CD200R1: variants seen among roughly 807,000 people sequenced by gnomAD.
CD200R1 encodes CD200 receptor 1.
Under a neutral mutation model 38.1 loss-of-function variants are expected in CD200R1, and 30 were observed. The ratio of observed to expected loss-of-function variants is 0.79; its 90% CI spans 0.59 to 1.07. The LOEUF is 1.07. CD200R1 is among the 50% of genes least tolerant of loss of function. The pLI is 0.00. For missense variants in CD200R1, 372 were observed against 415.4 expected (o/e 0.90, Z 0.91); for synonymous variants, 128 against 152.1 (o/e 0.84, Z 1.16).
At chr3:112,937,429 AC>A (rs1940610600) in intron 2 of CD200R1, among the ~76,000 whole-genome samples, 1 of 149,064 alleles carries the variant, frequency 6.7e-6, no homozygotes, top group Admixed American at 6.7e-5. Context: ...CTGTCCCAGC[AC>A]CATTTATTAA....
At chr3:112,972,152 C>T (rs1933325648) in intron 1 of CD200R1, among the ~76,000 whole-genome samples, 1 of 152,136 alleles carries the variant, frequency 6.6e-6, no homozygotes, top group African/African-American at 2.4e-5. Flanking sequence ...TAAGCATGAA[C>T]ATTTAGAGAA....
At chr3:112,931,485 G>A (rs954286660) in intron 2 of CD200R1, among the ~76,000 whole-genome samples, 3 of 152,114 alleles carry the variant, frequency 2.0e-5, no homozygotes, top group Admixed American at 6.6e-5. Flanking sequence ...ATTGGTCTAC[G>A]TGAGCATCTC....
rs191501792 is a variant in CD200R1 at position 112,974,430 on chromosome 3, T to C, written c.67+361A>G. On this transcript the variant is annotated intron_variant, in intron 1 of 7. Transcript: ENST00000308611. ...CAGCCTGGGCAACAGAGCAAGACCC[T>C]GTCTCAAAAAAGGGGGTTGGGGAAG... is the stretch of plus-strand genomic sequence containing the variant. 9.9e-5 allele frequency among the ~76,000 whole-genome samples: 15 copies of C among 152,206 alleles called. 1 individual carries two copies. Among genetic ancestry groups the C allele is most frequent in the East Asian group, 9.7e-4 (5 of 5,164 alleles).
intron 5 of CD200R1, among the ~76,000 whole-genome samples, chr3:112,927,457 C>T (rs1022597370): frequency 2.0e-5 from 3 of 152,148 alleles, no homozygotes; most frequent in African/African-American, 7.2e-5. Context: ...CAAATCCAAC[C>T]ATTAACTAGT....
chr3:112,959,959 T>C (rs1351161412), intron 1 of CD200R1, among the ~76,000 whole-genome samples: 1 of 152,100 alleles, frequency 6.6e-6, no homozygotes. Context: ...GTACTATCTT[T>C]CTTACTTTAA....
chr3:112,971,981 C>A (rs1933320893), intron 1 of CD200R1, among the ~76,000 whole-genome samples: 1 of 152,126 alleles, frequency 6.6e-6, no homozygotes, highest in African/African-American at 2.4e-5. Flanking sequence ...TAGATTTGTA[C>A]TAGTTTCATA....
chr3:112,927,060 T>C (rs113101636), intron 5 of CD200R1, among the ~76,000 whole-genome samples: 1,600 of 152,156 alleles, frequency 0.011, 22 homozygotes, highest in South Asian at 0.031. Context: ...TGTCTCCTGC[T>C]CCATTTTATG....
chr3:112,930,517 G>C (rs913190350), intron 3 of CD200R1, among the ~76,000 whole-genome samples: 3 of 152,194 alleles, frequency 2.0e-5, no homozygotes, highest in Non-Finnish European at 4.4e-5. Flanking sequence ...TTCCAACGTA[G>C]AACCTCATGC....
chr3:112,942,416 G>A (rs1453678899), intron 2 of CD200R1, among the ~76,000 whole-genome samples: 2 of 151,572 alleles, frequency 1.3e-5, no homozygotes, highest in African/African-American at 4.8e-5. Context: ...CATTATAAAT[G>A]TATATTGCAA....
intron 1 of CD200R1, among the ~76,000 whole-genome samples, chr3:112,974,001 C>A (rs151176175): frequency 6.6e-6 from 1 of 152,092 alleles, no homozygotes; most frequent in East Asian, 1.9e-4. Context: ...ACATCACAGA[C>A]GCACCACTGT....
chr3:112,962,526 A>G (rs1168580856), intron 1 of CD200R1, among the ~76,000 whole-genome samples: 2 of 152,280 alleles, frequency 1.3e-5, no homozygotes, highest in East Asian at 3.9e-4. Context: ...ACCACAAAAT[A>G]TCATTAAATT....
intron 5 of CD200R1, 56 bp from the exon 6 acceptor site, chr3:112,925,249 C>G (rs1246755172): frequency 3.7e-6 from 3 of 813,376 alleles, no homozygotes; most frequent in African/African-American, 1.8e-5. Context: ...AATGTACTAT[C>G]TTATTATTCA....
chr3:112,940,831 TAAAG>T (rs1222754611), intron 2 of CD200R1, among the ~76,000 whole-genome samples: 1 of 151,612 alleles, frequency 6.6e-6, no homozygotes, highest in Non-Finnish European at 1.5e-5. Flanking sequence ...ATAAATATGT[TAAAG>T]AAATATCTAT....
intron 2 of CD200R1, among the ~76,000 whole-genome samples, chr3:112,947,621 G>C (rs1285404001): frequency 2.6e-5 from 4 of 152,102 alleles, no homozygotes; most frequent in Non-Finnish European, 4.4e-5. Flanking sequence ...TTCAAAAGTT[G>C]AATAACAAAT....
At chr3:112,947,177 C>G (rs1940883605) in intron 2 of CD200R1, among the ~76,000 whole-genome samples, 1 of 152,116 alleles carries the variant, frequency 6.6e-6, no homozygotes, top group South Asian at 2.1e-4. Flanking sequence ...AGTGAAATTA[C>G]TCTATAAAAT....
intron 1 of CD200R1, among the ~76,000 whole-genome samples, chr3:112,951,901 A>G (rs1940976435): frequency 6.6e-6 from 1 of 151,804 alleles, no homozygotes; most frequent in South Asian, 2.1e-4. Flanking sequence ...GAAAGTCCCA[A>G]TATTATTAAG....
At position 112,929,172 on chromosome 3, in the gene CD200R1, A is replaced by G. The variant is rs766108513; in HGVS notation, c.520+18T>C. The G allele has an allele frequency of 5.6e-6, 9 of 1,613,996 alleles. No homozygotes were observed. The East Asian group carries it at 2.0e-4, about 36-fold the overall frequency. Reference sequence around the variant, plus strand: ...AAATCTGGTGATGTGAAATACCTCAATATATGATGCTCCTTACCTAACACT... The same window carrying G: ...AAATCTGGTGATGTGAAATACCTCAGTATATGATGCTCCTTACCTAACACT... On this transcript the variant is annotated intron_variant, in intron 4 of 7. Transcript: ENST00000308611.
At position 112,931,119 on chromosome 3, in the gene CD200R1, T is replaced by C; in HGVS notation, c.189A>G (p.Lys63=). ...DEKQITQNYS[K]VLAEVNTSWP... is the part of the protein sequence containing the mutation. ...GAAGCATATTACCTTCTGCGAGTAC[T>C]TTCGAGTAGTTCTGTGTAATCTGTT... Residue 63 remains lysine (K), a synonymous_variant, in exon 3 of 8, where the codon AAA becomes AAG. Coordinates refer to ENST00000308611, the MANE Select transcript of CD200R1 (RefSeq NM_138806.4). 1.2e-6 allele frequency: 2 copies of C among 1,610,430 alleles called. No homozygotes were observed. Among genetic ancestry groups the C allele is most frequent in the Non-Finnish European group, 1.7e-6 (2 of 1,176,634 alleles).
rs746271944 is a variant in CD200R1, at chr3:112,929,014, T to C, written c.571A>G (p.Lys191Glu). 1 of 1,613,858 alleles carries C rather than the reference T, an allele frequency of 6.2e-7. No homozygotes were observed. Among genetic ancestry groups the C allele is most frequent in the African/African-American group, 1.3e-5 (1 of 74,948 alleles). Residue 191 changes from lysine to glutamate, a missense_variant, in exon 5 of 8, where the codon AAG becomes GAG. Lys to Glu is a moderately conservative substitution (Grantham distance 56). Transcript: ENST00000308611. ...FQNRNRTAVC[K>E]AVAGKPAAHI... is the part of the protein sequence containing the mutation. ...GCAGCTGGCTTCCCTGCAACTGCCT[T>C]GCATACTGCAGTTCTATTCCTGTTT...
Sources: gnomAD v4.1 joint callset for allele counts (sites outside exome capture counted in the v4.1 genomes callset) on GRCh38, gnomAD v4.1.1 for gene constraint, MANE v1.5 for transcripts, NCBI Gene and HGNC (gene_info 2026-07-23, HGNC 2026-07-21) for gene names.